Variants in FAM13C observed in about 807,000 individuals in gnomAD.
FAM13C encodes the protein family with sequence similarity 13 member C.
Under a neutral mutation model 73.2 loss-of-function variants are expected in FAM13C, and 37 were observed. The observed-to-expected ratio is 0.51, with a 90% CI of 0.39 to 0.67. The LOEUF (loss-of-function observed/expected upper bound fraction) is 0.67, where lower values mean the gene tolerates loss of function less well. FAM13C is among the 30% of genes least tolerant of loss of function. The pLI is 0.00. For missense variants in FAM13C, 589 were observed against 715.6 expected, an observed-to-expected ratio of 0.82 and a Z score of 2.02; for synonymous variants, 246 against 260.9, an observed-to-expected ratio of 0.94 and a Z score of 0.55.
In FAM13C at chr10:59,292,776, A is replaced by G. The variant is rs538600746; in HGVS notation, c.508-9329T>C. Among the ~76,000 whole-genome samples, 6 of 152,324 alleles carry G rather than the reference A, an allele frequency of 3.9e-5. No individual in the cohort carries two copies. The South Asian group carries it at 6.2e-4, about 16-fold the overall frequency. ...GTACACGGTGAGTTTTGATACATAC[A>G]TAGTGATCAAATCACAATAATGAGA... On this transcript the variant is annotated intron_variant, in intron 5 of 13. Transcript: ENST00000618804.
chr10:59,295,823 T>C (rs1275409563), intron 5 of FAM13C, among the ~76,000 whole-genome samples: 1 of 152,040 alleles, frequency 6.6e-6, no homozygotes, highest in Non-Finnish European at 1.5e-5. Flanking sequence ...GAGATAGAAA[T>C]AGATGGCATC....
At chr10:59,254,135 A>G (rs931981163) in intron 11 of FAM13C, 1 of 397,326 alleles carries the variant, frequency 2.5e-6, no homozygotes, top group African/African-American at 2.1e-5. Flanking sequence ...CAAGTGCTAT[A>G]TGTTCCTATT....
At chr10:59,345,642 C>G (rs1281659966) in intron 3 of FAM13C, among the ~76,000 whole-genome samples, 2 of 152,116 alleles carry the variant, frequency 1.3e-5, no homozygotes, top group Non-Finnish European at 2.9e-5. Context: ...CACAGGAAAC[C>G]AGTAAACCCA....
chr10:59,280,215 T>C (rs1197918527), intron 6 of FAM13C, among the ~76,000 whole-genome samples: 1 of 152,216 alleles, frequency 6.6e-6, no homozygotes, highest in East Asian at 1.9e-4. Context: ...ATGTGGGATA[T>C]TTAGTGCTAA....
At chr10:59,313,946 G>A (rs1479133783) in intron 4 of FAM13C, among the ~76,000 whole-genome samples, 1 of 152,116 alleles carries the variant, frequency 6.6e-6, no homozygotes, top group African/African-American at 2.4e-5. Flanking sequence ...TCAGCACTGT[G>A]CTGAAAACTG....
At chr10:59,256,946 T>C (rs1842000889) in intron 10 of FAM13C, among the ~76,000 whole-genome samples, 1 of 152,202 alleles carries the variant, frequency 6.6e-6, no homozygotes, top group Non-Finnish European at 1.5e-5. Flanking sequence ...CTGCTGGCTG[T>C]AGTATGCAAG....
intron 5 of FAM13C, among the ~76,000 whole-genome samples, chr10:59,286,655 T>C (rs1319007436): frequency 1.3e-5 from 2 of 150,818 alleles, no homozygotes; most frequent in Admixed American, 6.6e-5. Context: ...ATTGGGAAGA[T>C]GAAAAAAGTT....
chr10:59,313,614 T>C lies in FAM13C; in HGVS notation c.443+10374A>G, dbSNP rs117970497. On this transcript the variant is annotated intron_variant, in intron 4 of 13. Transcript: ENST00000618804. Reference sequence around the variant, plus strand: ...TCTCAACTGGCAATTCAGTTGAGATTGAGTTGGGAAACCAACTTGTCCAAG... The same window carrying C: ...TCTCAACTGGCAATTCAGTTGAGATCGAGTTGGGAAACCAACTTGTCCAAG... 3.5e-4 allele frequency among the ~76,000 whole-genome samples: 54 copies of C among 152,290 alleles called. 1 individual carries two copies. The East Asian group carries it at 0.01, about 29-fold the overall frequency.
chr10:59,289,585 G>A (rs1845988147), intron 5 of FAM13C, among the ~76,000 whole-genome samples: 1 of 152,182 alleles, frequency 6.6e-6, no homozygotes, highest in Non-Finnish European at 1.5e-5. Flanking sequence ...CTTCCTCGTG[G>A]GGCTTCCAGT....
rs1050008946 is a variant in FAM13C at position 59,331,352 on chromosome 10, T to C, written c.325-7246A>G. 2.6e-5 allele frequency among the ~76,000 whole-genome samples: 4 copies of C among 152,160 alleles called. No individual in the cohort carries two copies. In the South Asian group the frequency reaches 6.2e-4, roughly 24 times the overall value. ...GAAACAGCATGAGGCGGAGGCAGAA[T>C]GTATCAAGGCAAACATGTGTAAGTG... On this transcript the variant is annotated intron_variant, in intron 3 of 13. Coordinates refer to ENST00000618804, the MANE Select transcript of FAM13C (RefSeq NM_198215.4).
intron 3 of FAM13C, among the ~76,000 whole-genome samples, chr10:59,334,213 G>C (rs887976046): frequency 6.6e-6 from 1 of 152,018 alleles, no homozygotes; most frequent in Non-Finnish European, 1.5e-5. Flanking sequence ...ATAAAAATAA[G>C]GAGGAAATGG....
intron 6 of FAM13C, 179 bp from the exon 7 acceptor site, chr10:59,270,288 A>C: frequency 1.6e-6 from 1 of 637,770 alleles, no homozygotes; most frequent in Non-Finnish European, 2.6e-6. Flanking sequence ...GAACCTGGAC[A>C]GAAAATATTA....
chr10:59,271,177 C>A (rs1564505757), intron 6 of FAM13C, among the ~76,000 whole-genome samples: 1 of 152,210 alleles, frequency 6.6e-6, no homozygotes, highest in African/African-American at 2.4e-5. Context: ...TCTCTTACTA[C>A]TTCTTCTCCA....
chr10:59,277,788 T>C (rs1449837230), intron 6 of FAM13C, among the ~76,000 whole-genome samples: 1 of 152,244 alleles, frequency 6.6e-6, no homozygotes, highest in East Asian at 1.9e-4. Context: ...CTTTGGGGAC[T>C]TACCATTTAA....
At chr10:59,297,213 A>G (rs1313948666) in intron 5 of FAM13C, 1 of 152,250 alleles carries the variant, frequency 6.6e-6, no homozygotes, top group African/African-American at 2.4e-5. Flanking sequence ...ATGCAGTATC[A>G]GAGAACTTGT....
At chr10:59,331,791 C>T (rs538283010) in intron 3 of FAM13C, among the ~76,000 whole-genome samples, 2 of 152,192 alleles carry the variant, frequency 1.3e-5, no homozygotes, top group East Asian at 3.9e-4. Context: ...AAAAAATAGA[C>T]CTGGTGATTG....
At chr10:59,298,938 T>C (rs904416097) in intron 5 of FAM13C, among the ~76,000 whole-genome samples, 1 of 151,972 alleles carries the variant, frequency 6.6e-6, no homozygotes, top group Non-Finnish European at 1.5e-5. Context: ...GAGAGTAAAA[T>C]AGGGTTACCA....
At chr10:59,295,411 G>A (rs911381695) in intron 5 of FAM13C, among the ~76,000 whole-genome samples, 1 of 152,140 alleles carries the variant, frequency 6.6e-6, no homozygotes, top group African/African-American at 2.4e-5. Context: ...GGGTGAGGAG[G>A]GGGAGTGTGA....
chr10:59,349,020 C>T (rs944854909), intron 3 of FAM13C, among the ~76,000 whole-genome samples: 2 of 152,130 alleles, frequency 1.3e-5, no homozygotes, highest in African/African-American at 4.8e-5. Context: ...AAATAACATT[C>T]CTTGACTTCT....
Sources: allele counts gnomAD v4.1 joint callset (sites outside exome capture counted in the v4.1 genomes callset), GRCh38; gene constraint gnomAD v4.1.1; transcripts MANE v1.5; gene names NCBI Gene and HGNC (gene_info 2026-07-23, HGNC 2026-07-21).